KIF18B: variants seen among roughly 807,000 people sequenced by gnomAD.
KIF18B encodes kinesin-like protein KIF18B.
A neutral mutation model predicts 80.9 loss-of-function variants in KIF18B; 49 were observed. The ratio of observed to expected loss-of-function variants is 0.61; its 90% CI spans 0.48 to 0.77. The LOEUF is 0.77. Ranked by LOEUF, KIF18B falls within the 30% of genes least tolerant of loss-of-function variation. The pLI, the probability that KIF18B is intolerant of heterozygous loss-of-function variation, is 0.00. For missense variants in KIF18B, 994 were observed against 1,127.7 expected, an observed-to-expected ratio of 0.88 and a Z score of 1.70; for synonymous variants, 439 against 463.9, an observed-to-expected ratio of 0.95 and a Z score of 0.69.
At chr17:44,935,462 C>CA (rs1567794431) in intron 2 of KIF18B, 46 bp from the exon 3 acceptor site, 1 of 1,532,744 alleles carries the variant, frequency 6.5e-7, no homozygotes, top group Non-Finnish European at 8.8e-7. Flanking sequence ...CCTTGCCACC[C>CA]AGCTCAGCCC....
intron 1 of KIF18B, among the ~76,000 whole-genome samples, chr17:44,937,117 T>C (rs2052327345): frequency 6.6e-6 from 1 of 151,992 alleles, no homozygotes. Flanking sequence ...TTCCAGCTAG[T>C]AAGGCAAGAA....
intron 9 of KIF18B, chr17:44,932,418 A>T: frequency 3.3e-6 from 2 of 604,876 alleles, no homozygotes; most frequent in South Asian, 4.4e-5. Flanking sequence ...TTTGAGAGAC[A>T]ATGACACACA....
At chr17:44,946,981 C>T (rs1284186737) in intron 1 of KIF18B, among the ~76,000 whole-genome samples, 1 of 151,554 alleles carries the variant, frequency 6.6e-6, no homozygotes. Context: ...TGGTGGTGGG[C>T]GCCTTTAATC....
intron 11 of KIF18B, 138 bp downstream of exon 11, chr17:44,931,461 AAGG>A: frequency 1.9e-6 from 2 of 1,074,858 alleles, no homozygotes; most frequent in South Asian, 2.7e-5. Flanking sequence ...CGATAACAAC[AAGG>A]AGGTGAAACC....
chr17:44,938,510 C>T (rs1269157392), intron 1 of KIF18B, among the ~76,000 whole-genome samples: 2 of 152,160 alleles, frequency 1.3e-5, no homozygotes, highest in South Asian at 2.1e-4. Context: ...CTTAAGAAGA[C>T]ATTTCTTCTC....
At chr17:44,935,049 TG>T in intron 3 of KIF18B, 114 bp from the exon 4 acceptor site, 1 of 904,368 alleles carries the variant, frequency 1.1e-6, no homozygotes. Flanking sequence ...CCCACAGAAG[TG>T]GCGCTTCCCA....
intron 1 of KIF18B, among the ~76,000 whole-genome samples, chr17:44,938,668 T>C (rs1055815850): frequency 2.0e-5 from 3 of 152,220 alleles, no homozygotes; most frequent in Admixed American, 6.5e-5. Flanking sequence ...TAAGCAATTA[T>C]CCCCAAGGTC....
intron 2 of KIF18B, 29 bp downstream of exon 2, chr17:44,936,003 C>A (rs142294026): frequency 0.013 from 20,773 of 1,601,272 alleles, 159 homozygotes; most frequent in Non-Finnish European, 0.015. Context: ...GGAGGCCAGG[C>A]CACTGCCAGG....
intron 1 of KIF18B, among the ~76,000 whole-genome samples, chr17:44,941,903 T>C (rs2145741109): frequency 6.6e-6 from 1 of 152,308 alleles, no homozygotes; most frequent in East Asian, 1.9e-4. Context: ...TGAGGGCCAG[T>C]GTGGCTGAGT....
chr17:44,931,785 A>T, intron 10 of KIF18B, 56 bp from the exon 11 acceptor site: 1 of 1,587,836 alleles, frequency 6.3e-7, no homozygotes, highest in Non-Finnish European at 8.6e-7. Context: ...CCTCATCTTT[A>T]TAAACAGCTT....
At chr17:44,946,214 C>G (rs2052510272) in intron 1 of KIF18B, among the ~76,000 whole-genome samples, 1 of 152,080 alleles carries the variant, frequency 6.6e-6, no homozygotes, top group South Asian at 2.1e-4. Context: ...TACATGGATA[C>G]TTTTTTTAAC....
At position 44,934,563 on chromosome 17, in the gene KIF18B, T is replaced by C. The variant is rs1056508776; in HGVS notation, c.631A>G (p.Thr211Ala). The change falls in exon 5 of 16, where the codon ACG becomes GCG. Residue 211 changes from threonine to alanine, a missense_variant. Transcript: ENST00000593135. The surrounding 1 kb of genome is among the most constrained non-coding windows in gnomAD (Gnocchi z 5.4). ...EILTRGNRNR[T>A]QHPTDANATS... The stretch of plus-strand genomic sequence containing the variant: ...GCGTTGGCATCAGTGGGGTGCTGCG[T>C]GCGGTTACGGTTCCCCCTGGTCAGT... 1.9e-6 allele frequency: 3 copies of C among 1,612,876 alleles called. No individual in the cohort carries two copies. The highest frequency in any genetic ancestry group is 2.5e-6 in the Non-Finnish European group (3 of 1,179,536).
Position 44,936,153 on chromosome 17 carries a change from C to G in KIF18B, c.192G>C (p.Lys64Asn). 2 of 1,613,576 alleles carry G rather than the reference C, an allele frequency of 1.2e-6. No homozygotes were observed. Among genetic ancestry groups the G allele is most frequent in the Middle Eastern group, 1.7e-4 (1 of 6,058 alleles). Residue 64 changes from lysine to asparagine, a missense_variant, in exon 2 of 16, where the codon AAG becomes AAC. Transcript: ENST00000593135. ...CAAAGACAAACGTCAGGTCTTTGCC[C>G]TTCTTCTTGGGGCCATCATGGGTGC... ...WGGTHDGPKK[K>N]GKDLTFVFDR... is the part of the protein sequence containing the mutation.
intron 9 of KIF18B, 130 bp from the exon 10 acceptor site, chr17:44,932,336 G>T: frequency 9.8e-7 from 1 of 1,025,516 alleles, no homozygotes; most frequent in Non-Finnish European, 1.4e-6. Context: ...GTCGTATAGA[G>T]TCCATAAGGG....
rs374158047 is a variant in KIF18B at position 44,932,768 on chromosome 17, G to A, written c.1143C>T (p.Ala381=). The change falls in exon 9 of 16, where the codon GCC becomes GCT. Residue 381 remains alanine, a synonymous_variant. Transcript: ENST00000593135. ...ACACTTGGAGCTTCTTCCTCAGAGC[G>A]GCTACCTGGAACAGAAGCAGCCCAG... ...TICQQLQAEV[A]ALRKKLQVYE... 886 of 1,612,800 alleles carry A rather than the reference G, an allele frequency of 5.5e-4. No homozygotes were observed. The highest frequency in any genetic ancestry group is 7.2e-4 in the Non-Finnish European group (850 of 1,179,376).
chr17:44,931,587 C>G lies in KIF18B; in HGVS notation c.1517+15G>C. ...TTCCCACCTTGATTCCAGAATACAG[C>G]AAGAAGATACCTACTGCTTAGAACG... On this transcript the variant is annotated intron_variant, in intron 11 of 15. Coordinates refer to ENST00000593135, the MANE Select transcript of KIF18B (RefSeq NM_001265577.2). The G allele has an allele frequency of 1.2e-6, 2 of 1,613,902 alleles. No homozygotes were observed. The highest frequency in any genetic ancestry group is 1.7e-6 in the Non-Finnish European group (2 of 1,179,862).
chr17:44,926,847 G>A (rs916510844), intron 14 of KIF18B, 142 bp downstream of exon 14: 51 of 718,706 alleles, frequency 7.1e-5, no homozygotes, highest in African/African-American at 1.9e-4. Context: ...AACTAGATGC[G>A]GGCCCTGCTC....
intron 1 of KIF18B, among the ~76,000 whole-genome samples, chr17:44,946,760 T>C (rs2052518537): frequency 6.6e-6 from 1 of 152,130 alleles, no homozygotes; most frequent in Non-Finnish European, 1.5e-5. Flanking sequence ...GGGAGATGCA[T>C]CCTAGGAGCA....
Position 44,935,330 on chromosome 17 carries a change from C to T in KIF18B, c.400G>A (p.Val134Met), listed in dbSNP as rs200381833. The T allele has an allele frequency of 1.8e-3, 2,882 of 1,613,378 alleles. 2 individuals are homozygous for T. The highest frequency in any genetic ancestry group is 2.2e-3 in the Non-Finnish European group (2,547 of 1,179,556). Residue 134 changes from valine to methionine, a missense_variant, in exon 3 of 16, where the codon GTG becomes ATG. Coordinates refer to ENST00000593135, the MANE Select transcript of KIF18B (RefSeq NM_001265577.2). ...GDPGIMYLTT[V>M]ELYRRLEARQ... ...GCCTCCAGGCGCCTGTACAGTTCCA[C>T]GGTGGTCAGGTACATGATGCCGGGG...
Sources: allele counts gnomAD v4.1 joint callset (sites outside exome capture counted in the v4.1 genomes callset), GRCh38; gene constraint gnomAD v4.1.1; non-coding constraint Gnocchi (gnomAD v3.1); transcripts MANE v1.5; gene names NCBI Gene and HGNC (gene_info 2026-07-23, HGNC 2026-07-21).